Variants in GNAL observed in about 807,000 individuals in gnomAD.
GNAL encodes guanine nucleotide-binding protein G(olf) subunit alpha.
GNAL carries 18 observed loss-of-function variants against 55.1 expected under a neutral mutation model. The observed-to-expected ratio is 0.33, with a 90% CI of 0.23 to 0.48. The LOEUF is 0.48. Ranked by LOEUF, GNAL falls within the 20% of genes least tolerant of loss-of-function variation. GNAL has a pLI of 0.99. For synonymous variants in GNAL, 253 were observed against 237.0 expected (o/e 1.07, Z -0.62); for missense variants, 412 against 614.1 (o/e 0.67, Z 3.48).
chr18:11,860,398 T>C (rs1313083417), intron 5 of GNAL, among the ~76,000 whole-genome samples: 2 of 152,240 alleles, frequency 1.3e-5, no homozygotes, highest in Non-Finnish European at 2.9e-5. Context: ...GTAGTCTTAC[T>C]GTCTTTGGCC....
chr18:11,763,234 C>G (rs536370017), intron 4 of GNAL, among the ~76,000 whole-genome samples: 32 of 152,246 alleles, frequency 2.1e-4, no homozygotes, highest in Non-Finnish European at 1.5e-4. Context: ...CATTCATGCT[C>G]TCACTCTCTC....
In GNAL at chr18:11,866,619, G is replaced by T. The variant is rs565338133; in HGVS notation, c.852-549G>T. 8.0e-5 allele frequency among the ~76,000 whole-genome samples: 12 copies of T among 150,458 alleles called. 1 individual carries two copies. Among genetic ancestry groups the T allele is most frequent in the African/African-American group, 3.0e-4 (12 of 39,754 alleles). On this transcript the variant is annotated intron_variant, in intron 7 of 11. Transcript: ENST00000334049. ...GAAGCAGCTCGGGCTGGGCAGAGCA[G>T]CCTGCACTGAATCCAGGCGTGATCA...
At chr18:11,849,591 CAAGAAA>C (rs1185239327) in intron 5 of GNAL, among the ~76,000 whole-genome samples, 4 of 151,708 alleles carry the variant, frequency 2.6e-5, no homozygotes, top group African/African-American at 9.7e-5. Flanking sequence ...TTGCAAACTC[CAAGAAA>C]AACCAGGACC....
At chr18:11,731,732 G>A (rs7236367) in intron 1 of GNAL, among the ~76,000 whole-genome samples, 2,961 of 152,136 alleles carry the variant, frequency 0.019, 99 homozygotes, top group African/African-American at 0.068. Flanking sequence ...TCACAAGGCC[G>A]TGGAACCATC....
chr18:11,744,373 A>C (rs2032643108), intron 1 of GNAL, among the ~76,000 whole-genome samples: 1 of 152,196 alleles, frequency 6.6e-6, no homozygotes, highest in Non-Finnish European at 1.5e-5. Context: ...AAAATGGAAA[A>C]ATATTTCCCT....
In GNAL at chr18:11,876,608, G is replaced by A. The variant is rs921135891; in HGVS notation, c.1163-13G>A. ...ATGTTGCTTAAATAAAGTTCCATTT[G>A]TCATTTCTACAGCAACACCAGATGC... On this transcript the variant is annotated splice_polypyrimidine_tract_variant and intron_variant, in intron 10 of 11. Coordinates refer to ENST00000334049, the MANE Select transcript of GNAL (RefSeq NM_182978.4). 3 of 1,533,712 alleles carry A rather than the reference G, an allele frequency of 2.0e-6. No individual in the cohort carries two copies. Among genetic ancestry groups the A allele is most frequent in the South Asian group, 1.1e-5 (1 of 89,366 alleles).
intron 9 of GNAL, among the ~76,000 whole-genome samples, chr18:11,871,839 G>T (rs570308253): frequency 6.6e-6 from 1 of 152,338 alleles, no homozygotes; most frequent in African/African-American, 2.4e-5. Context: ...GAATTAGAAA[G>T]TGCTTAACTA....
chr18:11,696,523 G>T (rs913575803), intron 1 of GNAL, among the ~76,000 whole-genome samples: 6 of 149,552 alleles, frequency 4.0e-5, no homozygotes, highest in Non-Finnish European at 1.5e-5. Flanking sequence ...AAAAAAGCAC[G>T]CATAACACAT....
At position 11,689,786 on chromosome 18, in the gene GNAL, C is replaced by G; in HGVS notation, c.223C>G (p.Arg75Gly). 1.3e-6 allele frequency: 2 copies of G among 1,532,064 alleles called. No individual in the cohort carries two copies. The highest frequency in any genetic ancestry group is 1.8e-6 in the Non-Finnish European group (2 of 1,142,658). 94.9% of individuals were successfully genotyped at this position (1,532,064 alleles called of 1,614,324 possible). ...RPKADKPKEK[R>G]QRTEQLSAEE... Reference sequence around the variant, plus strand: ...CAAAGCAGACAAGCCGAAGGAGAAGCGGCAGCGCACCGAGCAGCTGAGTGC... The same window carrying G: ...CAAAGCAGACAAGCCGAAGGAGAAGGGGCAGCGCACCGAGCAGCTGAGTGC... Residue 75 changes from arginine (R) to glycine (G), a missense_variant, in exon 1 of 12, where the codon CGG becomes GGG. Coordinates refer to ENST00000334049, the MANE Select transcript of GNAL (RefSeq NM_182978.4).
intron 1 of GNAL, among the ~76,000 whole-genome samples, chr18:11,730,838 A>C (rs540584892): frequency 6.6e-6 from 1 of 152,306 alleles, no homozygotes; most frequent in South Asian, 2.1e-4. Context: ...GGGGTCGGCT[A>C]TCTGTCATGT....
intron 4 of GNAL, among the ~76,000 whole-genome samples, chr18:11,799,877 C>G (rs1366658988): frequency 6.6e-6 from 1 of 152,024 alleles, no homozygotes; most frequent in Non-Finnish European, 1.5e-5. Context: ...GTCTGGTGCT[C>G]CCTGAGGCCT....
At chr18:11,747,872 C>T (rs1046057281) in intron 1 of GNAL, among the ~76,000 whole-genome samples, 4 of 152,176 alleles carry the variant, frequency 2.6e-5, no homozygotes, top group Admixed American at 6.5e-5. Flanking sequence ...GACCCTCTGC[C>T]GGTGGCTCCC....
At chr18:11,795,517 C>T (rs1337460967) in intron 4 of GNAL, among the ~76,000 whole-genome samples, 2 of 152,100 alleles carry the variant, frequency 1.3e-5, no homozygotes, top group African/African-American at 4.8e-5. Flanking sequence ...ATTGCAGTGT[C>T]ACCAAATATC....
chr18:11,720,824 C>G (rs977410737), intron 1 of GNAL, among the ~76,000 whole-genome samples: 2 of 152,222 alleles, frequency 1.3e-5, no homozygotes, highest in Non-Finnish European at 2.9e-5. Context: ...GGAGAGCTCA[C>G]TTCCTGTTTT....
rs377032419 is a variant in GNAL, at chr18:11,748,474, C to T, written c.377-4379C>T. ...TAACTAGAAGCAGTTTTATAGCACA[C>T]ACATTATCATTATATTATTAATATA... On this transcript the variant is annotated intron_variant, in intron 1 of 11. Transcript: ENST00000334049. Among the ~76,000 whole-genome samples the T allele has an allele frequency of 3.3e-4, 50 of 152,278 alleles. No individual in the cohort carries two copies. In the South Asian group the frequency reaches 8.9e-3, roughly 27 times the overall value.
At chr18:11,810,433 G>A in intron 4 of GNAL, 1 of 152,278 alleles carries the variant, frequency 6.6e-6, no homozygotes, top group Admixed American at 6.5e-5. Flanking sequence ...GACACTATCA[G>A]CTAATTTTAT....
At chr18:11,741,363 G>T (rs572836332) in intron 1 of GNAL, among the ~76,000 whole-genome samples, 1 of 152,278 alleles carries the variant, frequency 6.6e-6, no homozygotes, top group East Asian at 1.9e-4. Context: ...GCACCTTTCA[G>T]TGTCTTTTAA....
intron 4 of GNAL, among the ~76,000 whole-genome samples, chr18:11,757,322 A>T (rs1334879071): frequency 1.3e-5 from 2 of 151,644 alleles, no homozygotes; most frequent in African/African-American, 4.9e-5. Flanking sequence ...GTGTGTCCAG[A>T]CACACGAAGC....
At chr18:11,722,672 C>T (rs929968116) in intron 1 of GNAL, among the ~76,000 whole-genome samples, 5 of 152,014 alleles carry the variant, frequency 3.3e-5, no homozygotes, top group African/African-American at 9.7e-5. Context: ...GGAGTGAGTT[C>T]GAGACCAGCC....
Sources: gnomAD v4.1 joint callset for allele counts (sites outside exome capture counted in the v4.1 genomes callset) on GRCh38, gnomAD v4.1.1 for gene constraint, MANE v1.5 for transcripts, NCBI Gene and HGNC (gene_info 2026-07-23, HGNC 2026-07-21) for gene names.